The following PCDHGA6 variants were observed in gnomAD, a reference collection of about 807,000 sequenced individuals.
The protein encoded by PCDHGA6 is protocadherin gamma subfamily A, 6, also known as protocadherin gamma-A6.
A neutral mutation model predicts 60.6 loss-of-function variants in PCDHGA6; 41 were observed. The observed-to-expected ratio is 0.68, with a 90% confidence interval of 0.53 to 0.88. The LOEUF (loss-of-function observed/expected upper bound fraction) is 0.88, where lower values mean the gene tolerates loss of function less well. Ranked by LOEUF, PCDHGA6 falls within the 40% of genes least tolerant of loss-of-function variation. The pLI, the probability that PCDHGA6 is intolerant of heterozygous loss-of-function variation, is 0.00. For synonymous variants in PCDHGA6, 594 were observed against 524.4 expected (o/e 1.13, Z -1.81); for missense variants, 1,312 against 1,203.0 (o/e 1.09, Z -1.34).
At chr5:141,510,238 A>C (rs2099880007) in intron 3 of PCDHGA6, among the ~76,000 whole-genome samples, 1 of 149,340 alleles carries the variant, frequency 6.7e-6, no homozygotes, top group Non-Finnish European at 1.5e-5. Flanking sequence ...GCGCCACTGC[A>C]CTCCAGGCTG....
chr5:141,395,097 G>A lies in PCDHGA6; in HGVS notation c.2424+18590G>A, dbSNP rs376460647. The A allele has an allele frequency of 1.3e-5, 21 of 1,614,040 alleles. No homozygotes were observed. Among genetic ancestry groups the A allele is most frequent in the Non-Finnish European group, 1.7e-5 (20 of 1,180,038 alleles). On this transcript the variant is annotated intron_variant, in intron 1 of 3. Coordinates refer to ENST00000517434, the MANE Select transcript of PCDHGA6 (RefSeq NM_018919.3). ...TTCCCAGGAAGTCTCCCTCACCGCC[G>A]ACTCGCGGAAGAGTCACCTGATCTT...
chr5:141,474,403 C>G (rs553745731), intron 1 of PCDHGA6, among the ~76,000 whole-genome samples: 6 of 152,166 alleles, frequency 3.9e-5, no homozygotes, highest in Non-Finnish European at 5.9e-5. Context: ...ACAAGCTCCC[C>G]GGTGATGCCT....
intron 1 of PCDHGA6, chr5:141,418,408 A>G (rs2096253819): frequency 8.1e-6 from 13 of 1,614,032 alleles, no homozygotes; most frequent in Non-Finnish European, 1.1e-5. Flanking sequence ...TGGTGGAGAA[A>G]GACAATCCTG....
At chr5:141,386,989 G>A (rs1354556956) in intron 1 of PCDHGA6, among the ~76,000 whole-genome samples, 1 of 152,156 alleles carries the variant, frequency 6.6e-6, no homozygotes, top group East Asian at 1.9e-4. Context: ...TTGAGGCTAT[G>A]TATTATCCCC....
chr5:141,505,338 G>T, intron 2 of PCDHGA6, 55 bp from the exon 3 acceptor site: 1 of 1,612,254 alleles, frequency 6.2e-7, no homozygotes, highest in South Asian at 1.1e-5. Flanking sequence ...GGACAGGAGG[G>T]GCATGAGCTG....
At chr5:141,434,609 G>A (rs189866750) in intron 1 of PCDHGA6, among the ~76,000 whole-genome samples, 11 of 152,064 alleles carry the variant, frequency 7.2e-5, no homozygotes, top group Non-Finnish European at 1.3e-4. Context: ...CTTTATTTCC[G>A]CCCATCTCTT....
intron 3 of PCDHGA6, among the ~76,000 whole-genome samples, chr5:141,509,089 G>C (rs1366018197): frequency 6.6e-6 from 1 of 152,158 alleles, no homozygotes; most frequent in Non-Finnish European, 1.5e-5. Context: ...ACATGAAATG[G>C]GGGCTGTAGA....
chr5:141,497,540 C>CA (rs1491509812), intron 2 of PCDHGA6, among the ~76,000 whole-genome samples: 7 of 134,922 alleles, frequency 5.2e-5, no homozygotes, highest in Admixed American at 1.5e-4. Flanking sequence ...TGCAACAAAC[C>CA]TTTTTTTTTT....
At chr5:141,507,785 C>T (rs1203302886) in intron 3 of PCDHGA6, among the ~76,000 whole-genome samples, 1 of 152,222 alleles carries the variant, frequency 6.6e-6, no homozygotes, top group African/African-American at 2.4e-5. Context: ...GCCTGACCCT[C>T]GTCTAAGCCT....
At chr5:141,399,613 G>C (rs752648693) in intron 1 of PCDHGA6, 1 of 1,613,928 alleles carries the variant, frequency 6.2e-7, no homozygotes, top group South Asian at 1.1e-5. Context: ...AGAGCCTCTG[G>C]CACTGGCCTC....
chr5:141,391,293 A>G (rs1043661475), intron 1 of PCDHGA6: 15 of 151,834 alleles, frequency 9.9e-5, no homozygotes, highest in Admixed American at 3.3e-4. Context: ...AAAGAAGGAA[A>G]CGTCTTTCGA....
chr5:141,491,580 G>A lies in PCDHGA6; in HGVS notation c.2425-3227G>A. 6.2e-7 allele frequency: 1 copy of A among 1,613,942 alleles called. No individual in the cohort carries two copies. Among genetic ancestry groups the A allele is most frequent in the Non-Finnish European group, 8.5e-7 (1 of 1,180,044 alleles). ...ACTGCTACAGGACGTGCTTTTCACC[G>A]GCCTCGGACGGCAGTGACTTCACTT... is the stretch of plus-strand genomic sequence containing the variant. On this transcript the variant is annotated intron_variant, in intron 1 of 3. Coordinates refer to ENST00000517434, the MANE Select transcript of PCDHGA6 (RefSeq NM_018919.3). The surrounding 1 kb of genome is among the most constrained non-coding windows in gnomAD (Gnocchi z 6.9).
chr5:141,419,451 C>T (rs747887064), intron 1 of PCDHGA6: 2 of 1,612,796 alleles, frequency 1.2e-6, no homozygotes, highest in Non-Finnish European at 8.5e-7. Flanking sequence ...TTCGAGCTCA[C>T]GCTGCAGGCC....
At chr5:141,414,312 C>T in intron 1 of PCDHGA6, 1 of 1,613,724 alleles carries the variant, frequency 6.2e-7, no homozygotes, top group South Asian at 1.1e-5. Context: ...ATGATTTAGA[C>T]TCTGAGCAGA....
chr5:141,393,508 T>C, intron 1 of PCDHGA6: 1 of 1,614,010 alleles, frequency 6.2e-7, no homozygotes, highest in Non-Finnish European at 8.5e-7. Context: ...CACGTGACAG[T>C]GTTGGATACA....
chr5:141,444,184 T>TG, intron 1 of PCDHGA6, among the ~76,000 whole-genome samples: 1 of 138,886 alleles, frequency 7.2e-6, no homozygotes, highest in South Asian at 2.4e-4. Flanking sequence ...TTTTTTTTTT[T>TG]TTTTGAGATG....
At chr5:141,419,667 G>T in intron 1 of PCDHGA6, 1 of 1,612,894 alleles carries the variant, frequency 6.2e-7, no homozygotes, top group South Asian at 1.1e-5. Flanking sequence ...CACAATGCCT[G>T]GCTGTCCTAC....
rs141958687 is a variant in PCDHGA6 at position 141,509,744 on chromosome 5, G to A, written c.2573-1203G>A. 3.3e-3 allele frequency among the ~76,000 whole-genome samples: 509 copies of A among 152,266 alleles called. 3 individuals are homozygous for A. The highest frequency in any genetic ancestry group is 5.5e-3 in the Non-Finnish European group (372 of 68,024). On this transcript the variant is annotated intron_variant, in intron 3 of 3. Coordinates refer to ENST00000517434, the MANE Select transcript of PCDHGA6 (RefSeq NM_018919.3). ...CACCTAGCTGTGGCACTCTGAGCCT[G>A]TGCCTAAAGTGTCCCTGAGATGTCT...
intron 1 of PCDHGA6, among the ~76,000 whole-genome samples, chr5:141,456,052 C>T (rs2098841739): frequency 1.3e-5 from 2 of 151,970 alleles, no homozygotes; most frequent in South Asian, 4.1e-4. Flanking sequence ...CGCCCACCAC[C>T]ACGTCCGGCT....
Sources: allele counts gnomAD v4.1 joint callset (sites outside exome capture counted in the v4.1 genomes callset), GRCh38; gene constraint gnomAD v4.1.1; non-coding constraint Gnocchi (gnomAD v3.1); transcripts MANE v1.5; gene names NCBI Gene and HGNC (gene_info 2026-07-23, HGNC 2026-07-21).